The following CTNNA2 variants were observed in gnomAD, a reference collection of about 807,000 sequenced individuals.
The protein encoded by CTNNA2 is catenin alpha-2.
CTNNA2 carries 42 observed loss-of-function variants against 101.0 expected under a neutral mutation model. That is an observed-to-expected ratio of 0.42 (90% CI 0.32 to 0.54). CTNNA2 has a LOEUF of 0.54. Ranked by LOEUF, CTNNA2 falls within the 20% of genes least tolerant of loss-of-function variation. CTNNA2 has a pLI of 0.14. For synonymous variants in CTNNA2, 450 were observed against 456.4 expected (o/e 0.99, Z 0.18); for missense variants, 871 against 1,223.1 (o/e 0.71, Z 4.29).
intron 7 of CTNNA2, among the ~76,000 whole-genome samples, chr2:80,217,110 G>T (rs1708315215): frequency 6.6e-6 from 1 of 151,898 alleles, no homozygotes; most frequent in African/African-American, 2.4e-5. Flanking sequence ...GGGATTACAG[G>T]CATGAGCCAC....
At chr2:79,248,529 A>G (rs1219571193) in intron 2 of CTNNA2, among the ~76,000 whole-genome samples, 1 of 152,138 alleles carries the variant, frequency 6.6e-6, no homozygotes, top group Non-Finnish European at 1.5e-5. Context: ...GGTCACATGT[A>G]TCCAGGGGCT....
chr2:80,012,867 A>T (rs1470555660), intron 7 of CTNNA2, among the ~76,000 whole-genome samples: 14 of 152,186 alleles, frequency 9.2e-5, no homozygotes, highest in Admixed American at 9.2e-4. Flanking sequence ...GCTCTTCTAA[A>T]ATTTAAAACA....
intron 18 of CTNNA2, among the ~76,000 whole-genome samples, chr2:80,627,430 C>A (rs1671798800): frequency 6.6e-6 from 1 of 152,126 alleles, no homozygotes; most frequent in African/African-American, 2.4e-5. Flanking sequence ...GAGATGGTAT[C>A]TCATTGTGGC....
rs150948350 is a variant in CTNNA2, at chr2:80,064,228, C to T, written c.1056+154431C>T. ...GGCTGGGTTATCCAATATTCATGTGCAGAATAGTCATGTGGTAACTTGTTC... is the reference window on the plus strand; with the variant it reads ...GGCTGGGTTATCCAATATTCATGTGTAGAATAGTCATGTGGTAACTTGTTC... On this transcript the variant is annotated intron_variant, in intron 7 of 18. Coordinates refer to ENST00000402739, the MANE Select transcript of CTNNA2 (RefSeq NM_001282597.3). 3.7e-3 allele frequency among the ~76,000 whole-genome samples: 568 copies of T among 152,304 alleles called. 1 individual carries two copies. The highest frequency in any genetic ancestry group is 6.1e-3 in the Non-Finnish European group (412 of 68,032).
chr2:80,580,421 C>T (rs536163889), intron 13 of CTNNA2, among the ~76,000 whole-genome samples: 16 of 152,204 alleles, frequency 1.1e-4, no homozygotes, highest in Non-Finnish European at 1.8e-4. Context: ...AAATTTGTAA[C>T]GTGAATAAAC....
chr2:80,615,191 C>T (rs1012727659), intron 17 of CTNNA2, among the ~76,000 whole-genome samples: 3 of 151,462 alleles, frequency 2.0e-5, no homozygotes, highest in African/African-American at 7.3e-5. Flanking sequence ...AAGATAGAAT[C>T]CATAGCAAAA....
intron 2 of CTNNA2, chr2:79,312,626 G>A (rs1242813595): frequency 6.6e-6 from 1 of 152,172 alleles, no homozygotes; most frequent in Non-Finnish European, 1.5e-5. Context: ...TAGGGGCTAA[G>A]GTCTATGCAT....
intron 7 of CTNNA2, among the ~76,000 whole-genome samples, chr2:80,269,448 T>C (rs916699281): frequency 6.6e-6 from 1 of 152,158 alleles, no homozygotes; most frequent in African/African-American, 2.4e-5. Flanking sequence ...CCTCTTTTCT[T>C]TGTAAGTCTC....
At chr2:80,467,478 G>A (rs909936198) in intron 9 of CTNNA2, among the ~76,000 whole-genome samples, 11 of 152,088 alleles carry the variant, frequency 7.2e-5, no homozygotes, top group Non-Finnish European at 1.5e-5. Flanking sequence ...ACCATAATTA[G>A]TTCAAAATAA....
chr2:79,246,496 C>T (rs1288290360), intron 2 of CTNNA2, among the ~76,000 whole-genome samples: 2 of 152,214 alleles, frequency 1.3e-5, no homozygotes, highest in Non-Finnish European at 2.9e-5. Flanking sequence ...CAGGAATTAG[C>T]TGTCAGTATC....
intron 9 of CTNNA2, among the ~76,000 whole-genome samples, chr2:80,463,374 T>C (rs1409921794): frequency 6.6e-6 from 1 of 152,196 alleles, no homozygotes; most frequent in Non-Finnish European, 1.5e-5. Flanking sequence ...TTTTAATGTA[T>C]TGGTAGTTTT....
chr2:80,041,445 G>T (rs1056597455), intron 7 of CTNNA2, among the ~76,000 whole-genome samples: 1 of 152,066 alleles, frequency 6.6e-6, no homozygotes, highest in African/African-American at 2.4e-5. Context: ...AGACTGGGAT[G>T]GGGGGTACAG....
At chr2:80,422,277 A>T (rs1680595315) in intron 9 of CTNNA2, among the ~76,000 whole-genome samples, 1 of 152,192 alleles carries the variant, frequency 6.6e-6, no homozygotes, top group Admixed American at 6.5e-5. Context: ...AGACTTATTC[A>T]CTACCAGGAG....
chr2:80,530,437 C>T (rs1199914714), intron 9 of CTNNA2, among the ~76,000 whole-genome samples: 1 of 152,160 alleles, frequency 6.6e-6, no homozygotes, highest in African/African-American at 2.4e-5. Context: ...ACCAGGAGGC[C>T]TTGTCAGACT....
At chr2:80,624,227 A>G (rs1238091745) in intron 18 of CTNNA2, among the ~76,000 whole-genome samples, 1 of 137,282 alleles carries the variant, frequency 7.3e-6, no homozygotes, top group African/African-American at 2.5e-5. Flanking sequence ...TTCTTTAATT[A>G]AGTGAACTTC....
intron 9 of CTNNA2, among the ~76,000 whole-genome samples, chr2:80,499,725 G>A (rs957275019): frequency 1.3e-5 from 2 of 152,108 alleles, no homozygotes; most frequent in African/African-American, 4.8e-5. Context: ...GGAGACTGAG[G>A]CAGGAGAATT....
intron 7 of CTNNA2, chr2:80,304,984 C>T: frequency 1.2e-6 from 1 of 823,804 alleles, no homozygotes; most frequent in Non-Finnish European, 1.5e-6. Flanking sequence ...CAAGATATTT[C>T]CAAGTGGGAA....
chr2:80,266,479 G>A (rs1673011371), intron 7 of CTNNA2, among the ~76,000 whole-genome samples: 1 of 152,198 alleles, frequency 6.6e-6, no homozygotes, highest in African/African-American at 2.4e-5. Context: ...TTCGCCTACA[G>A]GGCCTTCTTG....
chr2:79,709,892 CAAG>C (rs775276352), intron 2 of CTNNA2, among the ~76,000 whole-genome samples: 3 of 152,022 alleles, frequency 2.0e-5, no homozygotes, highest in Non-Finnish European at 2.9e-5. Context: ...GAGACATTAA[CAAG>C]AACAGAAAAC....
Sources: allele counts gnomAD v4.1 joint callset (sites outside exome capture counted in the v4.1 genomes callset), GRCh38; gene constraint gnomAD v4.1.1; transcripts MANE v1.5; gene names NCBI Gene and HGNC (gene_info 2026-07-23, HGNC 2026-07-21).